Variants in CTNNA3 observed in about 807,000 individuals in gnomAD.
CTNNA3 encodes the protein catenin alpha 3.
Under a neutral mutation model 95.7 loss-of-function variants are expected in CTNNA3, and 76 were observed. The ratio of observed to expected loss-of-function variants is 0.79; its 90% confidence interval spans 0.66 to 0.96. CTNNA3 has a LOEUF of 0.96. Ranked by LOEUF, CTNNA3 falls within the 40% of genes least tolerant of loss-of-function variation. CTNNA3 has a pLI of 0.00. For synonymous variants in CTNNA3, 431 were observed against 374.4 expected (o/e 1.15, Z -1.74); for missense variants, 1,191 against 1,089.8 (o/e 1.09, Z -1.31).
chr10:66,120,163 T>C (rs2082517116), intron 13 of CTNNA3, among the ~76,000 whole-genome samples: 1 of 152,184 alleles, frequency 6.6e-6, no homozygotes, highest in South Asian at 2.1e-4. Context: ...GTTGATACCA[T>C]GCACATTCAA....
At chr10:66,202,411 G>T (rs1463996521) in intron 13 of CTNNA3, among the ~76,000 whole-genome samples, 1 of 152,110 alleles carries the variant, frequency 6.6e-6, no homozygotes, top group East Asian at 1.9e-4. Context: ...AACCAATCTG[G>T]CTGTTTCTGT....
At chr10:66,625,539 C>T (rs1331122147) in intron 9 of CTNNA3, among the ~76,000 whole-genome samples, 1 of 152,060 alleles carries the variant, frequency 6.6e-6, no homozygotes, top group South Asian at 2.1e-4. Flanking sequence ...CAGGTGCGCA[C>T]CACCACACCT....
intron 7 of CTNNA3, 45 bp downstream of exon 7, chr10:67,180,272 C>T: frequency 6.7e-7 from 1 of 1,499,902 alleles, no homozygotes; most frequent in Non-Finnish European, 9.3e-7. Flanking sequence ...ATTCAAAGTA[C>T]AAGGGAAGAG....
At chr10:66,691,262 T>C (rs1847524246) in intron 9 of CTNNA3, among the ~76,000 whole-genome samples, 1 of 152,110 alleles carries the variant, frequency 6.6e-6, no homozygotes, top group Non-Finnish European at 1.5e-5. Flanking sequence ...ACCCTAATAC[T>C]GCGCTTTTCT....
At chr10:66,835,071 T>C (rs1166208035) in intron 7 of CTNNA3, among the ~76,000 whole-genome samples, 1 of 152,130 alleles carries the variant, frequency 6.6e-6, no homozygotes, top group Non-Finnish European at 1.5e-5. Context: ...TGTAAAAACT[T>C]AGTAAGACAA....
intron 7 of CTNNA3, among the ~76,000 whole-genome samples, chr10:67,113,499 C>T (rs1859009750): frequency 6.6e-6 from 1 of 152,142 alleles, no homozygotes. Flanking sequence ...AAGACTTTCT[C>T]CACTAACAGA....
intron 10 of CTNNA3, among the ~76,000 whole-genome samples, chr10:66,568,351 C>T (rs1287024018): frequency 6.6e-6 from 1 of 152,100 alleles, no homozygotes; most frequent in Non-Finnish European, 1.5e-5. Flanking sequence ...ACTTTGATAA[C>T]ATTTGTATCC....
At chr10:66,165,851 C>T (rs551287387) in intron 13 of CTNNA3, among the ~76,000 whole-genome samples, 3 of 151,972 alleles carry the variant, frequency 2.0e-5, no homozygotes, top group Non-Finnish European at 2.9e-5. Flanking sequence ...TCACTGCAAC[C>T]TTTGCCTCCC....
At chr10:67,356,401 C>G (rs1050894220) in intron 5 of CTNNA3, among the ~76,000 whole-genome samples, 1 of 152,078 alleles carries the variant, frequency 6.6e-6, no homozygotes, top group Non-Finnish European at 1.5e-5. Context: ...TTTACTACTA[C>G]TGGCTGCAGT....
intron 5 of CTNNA3, among the ~76,000 whole-genome samples, chr10:67,222,690 A>T (rs1864716918): frequency 6.6e-6 from 1 of 152,202 alleles, no homozygotes; most frequent in Non-Finnish European, 1.5e-5. Flanking sequence ...TCCTCAGATG[A>T]GTAATAATTA....
chr10:67,690,714 C>T (rs1046399985), intron 1 of CTNNA3, among the ~76,000 whole-genome samples: 5 of 152,204 alleles, frequency 3.3e-5, no homozygotes, highest in Non-Finnish European at 5.9e-5. Flanking sequence ...GCCTAGCCAG[C>T]TTCACCTCTC....
intron 12 of CTNNA3, among the ~76,000 whole-genome samples, chr10:66,342,323 G>C (rs2092462433): frequency 6.6e-6 from 1 of 151,900 alleles, no homozygotes. Context: ...ACTTCATAAA[G>C]AGCATTAAAT....
In CTNNA3 at chr10:65,915,770, G is replaced by A. The variant is rs1205024449; in HGVS notation, c.*4560C>T. ...AATGGATTCTATCTTGTCTGTTAGG[G>A]GGAAAATATTCACATGCAAGAAGAC... is the stretch of plus-strand genomic sequence containing the variant. On this transcript the variant is annotated 3_prime_UTR_variant, in exon 18 of 18. Transcript: ENST00000433211. 6.6e-6 allele frequency: 1 copy of A among 152,040 alleles called. No individual in the cohort carries two copies. The highest frequency in any genetic ancestry group is 1.5e-5 in the Non-Finnish European group (1 of 68,010). The allele number at this position is 152,040 out of a possible 1,614,324, so 9.4% of individuals were successfully genotyped here.
chr10:67,575,014 C>T (rs1047597279), intron 3 of CTNNA3, among the ~76,000 whole-genome samples: 12 of 152,174 alleles, frequency 7.9e-5, no homozygotes, highest in South Asian at 4.1e-4. Context: ...TTATTTAGTA[C>T]AGGGTGATGT....
At chr10:66,978,368 AT>A (rs1159570811) in intron 7 of CTNNA3, among the ~76,000 whole-genome samples, 2 of 151,316 alleles carry the variant, frequency 1.3e-5, no homozygotes, top group East Asian at 3.9e-4. Flanking sequence ...TCTACTAAAA[AT>A]ACAAAAAACT....
intron 5 of CTNNA3, among the ~76,000 whole-genome samples, chr10:67,277,384 T>C (rs1839219706): frequency 6.6e-6 from 1 of 152,044 alleles, no homozygotes; most frequent in African/African-American, 2.4e-5. Flanking sequence ...AAACCTAAAG[T>C]TGGATAATGA....
intron 9 of CTNNA3, among the ~76,000 whole-genome samples, chr10:66,763,341 C>CACAGAGAGAG (rs371974709): frequency 4.3e-5 from 6 of 139,104 alleles, no homozygotes; most frequent in African/African-American, 8.1e-5. Flanking sequence ...CACACACACA[C>CACAGAGAGAG]AGAGAGAGAG....
chr10:66,688,963 CA>C (rs58515946), intron 9 of CTNNA3, among the ~76,000 whole-genome samples: 870 of 86,878 alleles, frequency 0.01, 10 homozygotes, highest in African/African-American at 0.021. Context: ...GACTCCATCT[CA>C]AAAAAAAAAA....
intron 15 of CTNNA3, among the ~76,000 whole-genome samples, chr10:66,049,255 T>A (rs745787472): frequency 1.3e-5 from 2 of 152,172 alleles, no homozygotes; most frequent in Non-Finnish European, 2.9e-5. Flanking sequence ...TCATACCAGT[T>A]AGAATAGCTA....
Sources: gnomAD v4.1 joint callset for allele counts (sites outside exome capture counted in the v4.1 genomes callset) on GRCh38, gnomAD v4.1.1 for gene constraint, MANE v1.5 for transcripts, NCBI Gene and HGNC (gene_info 2026-07-23, HGNC 2026-07-21) for gene names.